The following CDC20B variants were observed in gnomAD, a reference collection of about 807,000 sequenced individuals.
The protein encoded by CDC20B is cell division cycle protein 20 homolog B.
CDC20B carries 58 observed loss-of-function variants against 64.1 expected under a neutral mutation model. That is an observed-to-expected ratio of 0.90 (90% CI 0.73 to 1.13). The LOEUF (loss-of-function observed/expected upper bound fraction) is 1.13. Ranked by LOEUF, CDC20B falls within the 50% of genes most tolerant of loss-of-function variation. The pLI, the probability that CDC20B is intolerant of heterozygous loss-of-function variation, is 0.00. For missense variants in CDC20B, 597 were observed against 633.0 expected (o/e 0.94, Z 0.61); for synonymous variants, 243 against 230.6 (o/e 1.05, Z -0.49).
chr5:55,172,280 G>C lies in CDC20B; in HGVS notation c.126+308C>G, dbSNP rs562193079. On this transcript the variant is annotated intron_variant, in intron 2 of 11. Coordinates refer to ENST00000381375, the MANE Select transcript of CDC20B (RefSeq NM_001170402.1). ...GGGGCGTGCTTCTGAATGCAACAGA[G>C]AGGAGTGCAACTAGCAACTGTTAAA... 1.2e-4 allele frequency: 35 copies of C among 297,188 alleles called. No individual in the cohort carries two copies. The South Asian group carries it at 1.3e-3, about 11-fold the overall frequency. The allele number at this position is 297,188 out of a possible 1,614,324, so 18.4% of individuals were successfully genotyped here.
chr5:55,168,983 GT>G (rs1398648756), intron 2 of CDC20B, among the ~76,000 whole-genome samples: 37 of 151,944 alleles, frequency 2.4e-4, no homozygotes, highest in African/African-American at 8.7e-4. Flanking sequence ...ATAAAATAAA[GT>G]TGGCATTTTA....
intron 7 of CDC20B, among the ~76,000 whole-genome samples, 161 bp downstream of exon 7, chr5:55,128,260 T>TAAAAAAAAA (rs372856760): frequency 9.1e-6 from 1 of 109,568 alleles, no homozygotes. Flanking sequence ...AACCATTCAG[T>TAAAAAAAAA]AAAAAAAAAA....
rs1217479600 is a variant in CDC20B, at chr5:55,143,592, C to G, written c.407G>C (p.Ser136Thr). 1 of 1,609,504 alleles carries G rather than the reference C, an allele frequency of 6.2e-7. No homozygotes were observed. The highest frequency in any genetic ancestry group is 2.2e-5 in the East Asian group (1 of 44,782). Residue 136 changes from serine (S) to threonine (T), a missense_variant, in exon 4 of 12, where the codon AGT becomes ACT. By Grantham distance (58) the Ser-to-Thr change is moderately conservative (BLOSUM62 1). This residue lies in a region of CDC20B where 241 missense variants were observed against 219.2 expected (regional missense o/e 1.10). Transcript: ENST00000381375. Reference protein sequence around the residue: ...KTPSKGISETSNSALHFCKAP... With the variant: ...KTPSKGISETTNSALHFCKAP... ...CTTGCAAAAATGGAGAGCAGAGTTA[C>G]TTGTTTCAGAAATTCCTTTGCTGGG...
chr5:55,162,888 C>A (rs1216435762), intron 2 of CDC20B, among the ~76,000 whole-genome samples: 1 of 152,044 alleles, frequency 6.6e-6, no homozygotes, highest in African/African-American at 2.4e-5. Flanking sequence ...ATCATAGAGC[C>A]CAAAGGTTAA....
At chr5:55,160,949 T>A (rs967805606) in intron 2 of CDC20B, 1 of 1,573,814 alleles carries the variant, frequency 6.4e-7, no homozygotes. Context: ...TTTTTTAAAA[T>A]CTTTTGCTTC....
chr5:55,171,439 C>T (rs1039442983), intron 2 of CDC20B, among the ~76,000 whole-genome samples: 24 of 151,968 alleles, frequency 1.6e-4, no homozygotes, highest in Admixed American at 1.2e-3. Flanking sequence ...AAGCTGTGCA[C>T]GACACAAAAC....
At position 55,146,723 on chromosome 5, in the gene CDC20B, G is replaced by A. The variant is rs755234113; in HGVS notation, c.260C>T (p.Ser87Phe). 10 of 1,614,174 alleles carry A rather than the reference G, an allele frequency of 6.2e-6. No individual in the cohort carries two copies. In the Admixed American group the frequency reaches 1.2e-4, roughly 19 times the overall value. ...TGACTGCTCTTCCCCAAAGGAATCA[G>A]AGGACAGAGCCCTAGTTTGACTTTG... ...WQQSQTRALS[S>F]DSFGEEQSTT... Residue 87 changes from serine to phenylalanine, a missense_variant, in exon 3 of 12, where the codon TCT becomes TTT. Physicochemically the swap from Ser to Phe is radical, Grantham distance 155. Around this residue, in one of 3 missense-constraint regions of CDC20B, gnomAD observed 241 missense variants for 219.2 expected, o/e 1.10. Transcript: ENST00000381375.
intron 2 of CDC20B, among the ~76,000 whole-genome samples, chr5:55,170,174 C>T (rs193105): frequency 0.82 from 124,679 of 152,078 alleles, 51,172 homozygotes; most frequent in Middle Eastern, 0.85. Flanking sequence ...CACTGAAAAT[C>T]TGGGGACACA....
At chr5:55,139,925 G>C (rs1041859228) in intron 5 of CDC20B, among the ~76,000 whole-genome samples, 2 of 152,138 alleles carry the variant, frequency 1.3e-5, no homozygotes, top group African/African-American at 4.8e-5. Context: ...TACTCAGGGA[G>C]CTGAGGCATG....
rs777226102 is a variant in CDC20B, at chr5:55,160,423, G to A, written c.126+12165C>T. On this transcript the variant is annotated intron_variant, in intron 2 of 11. Coordinates refer to ENST00000381375, the MANE Select transcript of CDC20B (RefSeq NM_001170402.1). ...TAAGTTGCATCATCTGATTTTTATT[G>A]TTATCATTTTTCCTTGTCTCTGTTT... The A allele has an allele frequency of 6.4e-6, 10 of 1,565,388 alleles. No individual in the cohort carries two copies. In the Admixed American group the frequency reaches 6.7e-5, roughly 11 times the overall value.
chr5:55,172,416 T>C, intron 2 of CDC20B, 172 bp downstream of exon 2: 1 of 578,770 alleles, frequency 1.7e-6, no homozygotes, highest in South Asian at 2.1e-5. Context: ...GATTGCATTA[T>C]TTGTCTGGGA....
Position 55,127,272 on chromosome 5 carries a change from T to TG in CDC20B, c.973dup (p.His325ProfsTer52). The TG allele has an allele frequency of 6.2e-7, 1 of 1,614,020 alleles. No homozygotes were observed. The highest frequency in any genetic ancestry group is 8.5e-7 in the Non-Finnish European group (1 of 1,179,898). ...CGCTTCTTACCTGCTGAGGATAAAGTGATTCCAGCTCAGAGCCCCAACTAC... is the reference window on the plus strand; with the variant it reads ...CGCTTCTTACCTGCTGAGGATAAAGTGGATTCCAGCTCAGAGCCCCAACTAC... On this transcript the variant is annotated frameshift_variant, in exon 8 of 12. Coordinates refer to ENST00000381375, the MANE Select transcript of CDC20B (RefSeq NM_001170402.1). LOFTEE classifies it high-confidence loss of function.
chr5:55,157,273 A>G (rs989359646), intron 2 of CDC20B, among the ~76,000 whole-genome samples: 22 of 152,212 alleles, frequency 1.4e-4, no homozygotes, highest in Non-Finnish European at 3.2e-4. Flanking sequence ...ACATGAAAAC[A>G]ATAATGGTGG....
At position 55,146,618 on chromosome 5, in the gene CDC20B, G is replaced by A; in HGVS notation, c.355+10C>T. On this transcript the variant is annotated intron_variant, in intron 3 of 11. Transcript: ENST00000381375. ...TGCAAAACGGGGCTGTGGCGTTTGG[G>A]GCACCTCACCTAGAGTCAAGGTCTC... is the stretch of plus-strand genomic sequence containing the variant. 1 of 1,604,822 alleles carries A rather than the reference G, an allele frequency of 6.2e-7. No individual in the cohort carries two copies. The highest frequency in any genetic ancestry group is 8.5e-7 in the Non-Finnish European group (1 of 1,172,156).
intron 4 of CDC20B, among the ~76,000 whole-genome samples, chr5:55,142,464 A>C (rs1743355703): frequency 6.6e-6 from 1 of 152,160 alleles, no homozygotes; most frequent in Admixed American, 6.6e-5. Context: ...TGCCAACACC[A>C]TCATGAGCCC....
At position 55,146,661 on chromosome 5, in the gene CDC20B, T is replaced by C. The variant is rs1181732002; in HGVS notation, c.322A>G (p.Lys108Glu). ...AAGGTCTCTTTCTCAGGCGGTGTCTTCAGCACTGATCCGGAAGCTTCTGGG... is the reference window on the plus strand; with the variant it reads ...AAGGTCTCTTTCTCAGGCGGTGTCTCCAGCACTGATCCGGAAGCTTCTGGG... Reference protein sequence around the residue: ...YLPEASGSVLKTPPEKETLTL... With the variant: ...YLPEASGSVLETPPEKETLTL... The change falls in exon 3 of 12, where the codon AAG (lysine) becomes GAG (glutamate). Residue 108 changes from lysine (K) to glutamate (E), a missense_variant. Coordinates refer to ENST00000381375, the MANE Select transcript of CDC20B (RefSeq NM_001170402.1). The C allele has an allele frequency of 6.2e-7, 1 of 1,614,036 alleles. No homozygotes were observed. Among genetic ancestry groups the C allele is most frequent in the Non-Finnish European group, 8.5e-7 (1 of 1,180,030 alleles).
chr5:55,164,226 A>G, intron 2 of CDC20B: 4 of 1,520,862 alleles, frequency 2.6e-6, no homozygotes, highest in Non-Finnish European at 3.6e-6. Flanking sequence ...TGAGAATGCC[A>G]TTGCGTTTCT....
chr5:55,140,494 G>A, intron 4 of CDC20B, 87 bp from the exon 5 acceptor site: 1 of 793,660 alleles, frequency 1.3e-6, no homozygotes, highest in Non-Finnish European at 2.0e-6. Flanking sequence ...AATTACAACT[G>A]GTAATTCACT....
intron 2 of CDC20B, chr5:55,172,348 C>T (rs1744628723): frequency 1.1e-5 from 5 of 465,164 alleles, no homozygotes; most frequent in Non-Finnish European, 1.9e-5. Context: ...CCTGACACAT[C>T]CCAGCTTTAT....
Sources: allele counts gnomAD v4.1 joint callset (sites outside exome capture counted in the v4.1 genomes callset), GRCh38; gene constraint gnomAD v4.1.1; regional missense constraint gnomAD v4.1.1; transcripts MANE v1.5; gene names NCBI Gene and HGNC (gene_info 2026-07-23, HGNC 2026-07-21).